The following XIRP2 variants were observed in gnomAD, a reference collection of about 807,000 sequenced individuals.
The protein encoded by XIRP2 is xin actin-binding repeat-containing protein 2.
A neutral mutation model predicts 277.0 loss-of-function variants in XIRP2; 236 were observed. The ratio of observed to expected loss-of-function variants is 0.85; its 90% confidence interval spans 0.77 to 0.95. The LOEUF (loss-of-function observed/expected upper bound fraction) is 0.95. Ranked by LOEUF, XIRP2 falls within the 40% of genes least tolerant of loss-of-function variation. XIRP2 has a pLI of 0.00. For missense variants in XIRP2, 4,640 were observed against 4,157.5 expected, an observed-to-expected ratio of 1.12 and a Z score of -3.19; for synonymous variants, 1,490 against 1,416.5, an observed-to-expected ratio of 1.05 and a Z score of -1.17.
chr2:167,240,776 C>G (rs550176229), intron 7 of XIRP2, 40 bp downstream of exon 7: 2 of 1,558,228 alleles, frequency 1.3e-6, no homozygotes, highest in South Asian at 2.2e-5. Flanking sequence ...CTCCTTTCTC[C>G]TATTGATGTG....
chr2:167,250,499 C>T lies in XIRP2; in HGVS notation c.9107C>T (p.Ser3036Phe), dbSNP rs187494067. The T allele has an allele frequency of 2.0e-5, 33 of 1,613,526 alleles. No homozygotes were observed. Among genetic ancestry groups the T allele is most frequent in the South Asian group, 5.5e-5 (5 of 91,074 alleles). ...YENIIQTAMMSSKTGKPGNKP... is the reference protein window; with the variant it reads ...YENIIQTAMMFSKTGKPGNKP... ...AATATAATTCAGACAGCCATGATGT[C>T]CTCCAAAACAGGAAAACCGGGAAAT... Residue 3036 changes from serine (S) to phenylalanine (F), a missense_variant, in exon 9 of 11, where the codon TCC becomes TTC. By Grantham distance (155) the Ser-to-Phe change is radical (BLOSUM62 -2). Transcript: ENST00000409195.
At chr2:167,009,087 A>G (rs906136757) in intron 2 of XIRP2, among the ~76,000 whole-genome samples, 3 of 151,618 alleles carry the variant, frequency 2.0e-5, no homozygotes, top group African/African-American at 7.3e-5. Context: ...TTACATTTTA[A>G]GTTTTAGGGT....
intron 2 of XIRP2, among the ~76,000 whole-genome samples, chr2:167,135,362 C>T (rs757408183): frequency 1.3e-5 from 2 of 151,932 alleles, no homozygotes; most frequent in Admixed American, 1.3e-4. Context: ...ATCTCTTCAC[C>T]TTTAAATTAC....
chr2:167,050,703 A>G (rs1688892481), intron 2 of XIRP2, among the ~76,000 whole-genome samples: 1 of 152,068 alleles, frequency 6.6e-6, no homozygotes, highest in African/African-American at 2.4e-5. Context: ...AGTTATCAAT[A>G]GAACGAGAAG....
intron 3 of XIRP2, among the ~76,000 whole-genome samples, chr2:167,171,607 T>C (rs1397602864): frequency 2.0e-5 from 3 of 152,216 alleles, no homozygotes; most frequent in African/African-American, 4.8e-5. Flanking sequence ...GTTTTCTACA[T>C]ATTCACCGAT....
At chr2:167,241,641 C>A in intron 7 of XIRP2, 136 bp from the exon 8 acceptor site, 2 of 966,228 alleles carry the variant, frequency 2.1e-6, no homozygotes, top group Non-Finnish European at 2.9e-6. Context: ...CACCCTTGGG[C>A]TCAAGTAATC....
At chr2:167,001,972 T>A (rs926378094) in intron 2 of XIRP2, among the ~76,000 whole-genome samples, 4 of 152,168 alleles carry the variant, frequency 2.6e-5, no homozygotes, top group Admixed American at 2.6e-4. Context: ...AAAACTTATT[T>A]AAAATATTTC....
In XIRP2 at chr2:167,258,351, CT is replaced by C. The variant is rs1695724979; in HGVS notation, c.*536del. On this transcript the variant is annotated 3_prime_UTR_variant, in exon 11 of 11. Coordinates refer to ENST00000409195, the MANE Select transcript of XIRP2 (RefSeq NM_152381.6). ...CAAGATCACTTTCCATTTTTGCAGC[CT>C]TATCTACAGTCCACCCATGTTTGTC... The C allele has an allele frequency of 1.2e-6, 2 of 1,613,108 alleles. No individual in the cohort carries two copies. The highest frequency in any genetic ancestry group is 1.3e-5 in the African/African-American group (1 of 74,788).
intron 2 of XIRP2, among the ~76,000 whole-genome samples, chr2:166,921,364 G>A (rs895129548): frequency 2.0e-5 from 3 of 151,952 alleles, no homozygotes; most frequent in African/African-American, 7.3e-5. Flanking sequence ...TCATATCCTT[G>A]CTATCATTTG....
chr2:166,914,985 G>T (rs1395755623), intron 2 of XIRP2, among the ~76,000 whole-genome samples: 1 of 151,978 alleles, frequency 6.6e-6, no homozygotes, highest in Non-Finnish European at 1.5e-5. Context: ...AAGTTTATTT[G>T]TTTGTTTGTT....
chr2:166,923,007 T>A (rs1221786159), intron 2 of XIRP2, among the ~76,000 whole-genome samples: 1 of 151,860 alleles, frequency 6.6e-6, no homozygotes. Context: ...GCATCTGAGT[T>A]GCTTTTCTAC....
At chr2:166,957,654 T>A (rs142503420) in intron 2 of XIRP2, among the ~76,000 whole-genome samples, 383 of 151,896 alleles carry the variant, frequency 2.5e-3, no homozygotes, top group African/African-American at 8.9e-3. Context: ...AAGTGTTGCA[T>A]CCTATGCTCA....
intron 2 of XIRP2, among the ~76,000 whole-genome samples, chr2:167,101,518 T>G (rs1317705503): frequency 6.6e-6 from 1 of 152,198 alleles, no homozygotes; most frequent in African/African-American, 2.4e-5. Flanking sequence ...ATCATTCTTA[T>G]GTCTTTGTAT....
In XIRP2 at chr2:167,251,591, A is replaced by G; in HGVS notation, c.10199A>G (p.Lys3400Arg). Reference protein sequence around the residue: ...SCKHPRELREKIPVKQPRICS... With the variant: ...SCKHPRELRERIPVKQPRICS... ...AAACATCCTAGAGAACTGCGAGAAAAGATTCCTGTTAAGCAGCCCAGGATC... is the reference window on the plus strand; with the variant it reads ...AAACATCCTAGAGAACTGCGAGAAAGGATTCCTGTTAAGCAGCCCAGGATC... The change falls in exon 9 of 11, where the codon AAG becomes AGG. Residue 3400 changes from lysine (K) to arginine (R), a missense_variant. By Grantham distance (26) the Lys-to-Arg change is conservative. Transcript: ENST00000409195. 1 of 1,613,608 alleles carries G rather than the reference A, an allele frequency of 6.2e-7. No individual in the cohort carries two copies. Among genetic ancestry groups the G allele is most frequent in the Non-Finnish European group, 8.5e-7 (1 of 1,179,678 alleles).
rs781223920 is a variant in XIRP2, at chr2:167,246,943, G to C, written c.5551G>C (p.Ala1851Pro). 5.6e-6 allele frequency: 9 copies of C among 1,613,276 alleles called. No individual in the cohort carries two copies. The East Asian group carries it at 1.6e-4, about 28-fold the overall frequency. The change falls in exon 9 of 11, where the codon GCT becomes CCT. Residue 1851 changes from alanine to proline, a missense_variant. By Grantham distance (27) the Ala-to-Pro change is conservative (BLOSUM62 -1). Coordinates refer to ENST00000409195, the MANE Select transcript of XIRP2 (RefSeq NM_152381.6). ...ATCAACCCTAAATTCCCTCAGCCAG[G>C]CTGTAAATCAGAAAACAGTGACGAA... ...LTSTLNSLSQAVNQKTVTKTE... is the reference protein window; with the variant it reads ...LTSTLNSLSQPVNQKTVTKTE...
chr2:167,202,509 G>A (rs1406861106), intron 3 of XIRP2, among the ~76,000 whole-genome samples: 2 of 152,162 alleles, frequency 1.3e-5, no homozygotes, highest in Non-Finnish European at 2.9e-5. Flanking sequence ...AATCTAAATG[G>A]ACACTTAGAG....
chr2:166,942,366 A>G (rs1685743203), intron 2 of XIRP2, among the ~76,000 whole-genome samples: 1 of 152,208 alleles, frequency 6.6e-6, no homozygotes, highest in Non-Finnish European at 1.5e-5. Context: ...ATGCTTTCAT[A>G]GGTATTACTT....
intron 2 of XIRP2, among the ~76,000 whole-genome samples, chr2:167,001,958 T>G (rs1210004479): frequency 6.6e-6 from 1 of 152,146 alleles, no homozygotes; most frequent in African/African-American, 2.4e-5. Context: ...ACTCTTTAAT[T>G]CTGAAAACTT....
chr2:167,112,071 A>G (rs868336237), intron 2 of XIRP2, among the ~76,000 whole-genome samples: 19 of 152,148 alleles, frequency 1.2e-4, no homozygotes, highest in Non-Finnish European at 2.1e-4. Context: ...TTACTAATCT[A>G]ACTAGTGTTT....
Sources: gnomAD v4.1 joint callset for allele counts (sites outside exome capture counted in the v4.1 genomes callset) on GRCh38, gnomAD v4.1.1 for gene constraint, MANE v1.5 for transcripts, NCBI Gene and HGNC (gene_info 2026-07-23, HGNC 2026-07-21) for gene names.